The following PPP1CB variants were observed in gnomAD, a reference collection of about 807,000 sequenced individuals.
PPP1CB encodes serine/threonine-protein phosphatase PP1-beta catalytic subunit.
Under a neutral mutation model 43.7 loss-of-function variants are expected in PPP1CB, and 2 were observed. That is an observed-to-expected ratio of 0.05 (90% CI 0.02 to 0.14). The LOEUF is 0.14. PPP1CB is among the 10% of genes least tolerant of loss of function. The pLI, the probability that PPP1CB is intolerant of heterozygous loss-of-function variation, is 1.00. For synonymous variants in PPP1CB, 136 were observed against 135.6 expected, an observed-to-expected ratio of 1.00 and a Z score of -0.02; for missense variants, 84 against 398.0, an observed-to-expected ratio of 0.21 and a Z score of 6.71.
chr2:28,795,519 TG>T (rs892545193), intron 7 of PPP1CB, among the ~76,000 whole-genome samples: 1 of 152,224 alleles, frequency 6.6e-6, no homozygotes, highest in Non-Finnish European at 1.5e-5. Context: ...CCATTCTGAC[TG>T]GTGTGAGACA....
In PPP1CB at chr2:28,788,951, G is replaced by A. The variant is rs1046031546; in HGVS notation, c.744+142G>A. 7.5e-5 allele frequency: 62 copies of A among 829,132 alleles called. No homozygotes were observed. In the East Asian group the frequency reaches 1.5e-3, roughly 20 times the overall value. The allele number at this position is 829,132 out of a possible 1,614,324, so 51.4% of individuals were successfully genotyped here. ...CTGCTCACTGCAACCTGTGCCTCCC[G>A]GGTTCAGGCAGTTCTTGTGCCTCAG... On this transcript the variant is annotated intron_variant, in intron 6 of 7. Transcript: ENST00000395366.
At chr2:28,754,844 A>C (rs1350320806) in intron 1 of PPP1CB, among the ~76,000 whole-genome samples, 1 of 152,198 alleles carries the variant, frequency 6.6e-6, no homozygotes, top group African/African-American at 2.4e-5. Context: ...ATTTGGCAAG[A>C]ATTTCTCTGC....
At chr2:28,774,263 G>A (rs1186473832) in intron 1 of PPP1CB, among the ~76,000 whole-genome samples, 1 of 152,182 alleles carries the variant, frequency 6.6e-6, no homozygotes, top group Non-Finnish European at 1.5e-5. Context: ...TTACAACTAA[G>A]TTTTGATAAT....
At chr2:28,778,279 A>G (rs1039522233) in intron 2 of PPP1CB, 28 of 454,802 alleles carry the variant, frequency 6.2e-5, no homozygotes, top group East Asian at 7.0e-5. Flanking sequence ...CTATTGTTGT[A>G]TAATAAATCA....
intron 5 of PPP1CB, among the ~76,000 whole-genome samples, chr2:28,786,413 C>T (rs1487957840): frequency 6.6e-6 from 1 of 152,158 alleles, no homozygotes; most frequent in Admixed American, 6.5e-5. Context: ...CATACCTGGC[C>T]TGAAATTCTT....
At chr2:28,756,674 G>A (rs1666495962) in intron 1 of PPP1CB, among the ~76,000 whole-genome samples, 1 of 152,060 alleles carries the variant, frequency 6.6e-6, no homozygotes, top group Non-Finnish European at 1.5e-5. Flanking sequence ...GGTAGAGACG[G>A]GGTCTCCCTA....
intron 2 of PPP1CB, among the ~76,000 whole-genome samples, chr2:28,777,640 G>C (rs1046337924): frequency 6.6e-6 from 1 of 152,072 alleles, no homozygotes; most frequent in African/African-American, 2.4e-5. Context: ...GTAAATGTTT[G>C]TTTTTTGTTT....
rs183166152 is a variant in PPP1CB, at chr2:28,762,651, A to G, written c.52+10475A>G. ...AAAGAGATGTGGAATCTGAAATTAT[A>G]TCCATGAATTTTTATGTTCTCTTAC... is the stretch of plus-strand genomic sequence containing the variant. On this transcript the variant is annotated intron_variant, in intron 1 of 7. Transcript: ENST00000395366. 1.4e-3 allele frequency among the ~76,000 whole-genome samples: 210 copies of G among 152,336 alleles called. 1 individual carries two copies. Among genetic ancestry groups the G allele is most frequent in the Non-Finnish European group, 1.1e-3 (76 of 68,034 alleles).
chr2:28,791,121 C>T (rs1253495438), intron 6 of PPP1CB, among the ~76,000 whole-genome samples: 1 of 152,096 alleles, frequency 6.6e-6, no homozygotes, highest in South Asian at 2.1e-4. Flanking sequence ...TCCCACAGTA[C>T]TTCCCTTTCT....
At chr2:28,766,938 G>A (rs1421720479) in intron 1 of PPP1CB, among the ~76,000 whole-genome samples, 5 of 151,932 alleles carry the variant, frequency 3.3e-5, no homozygotes, top group African/African-American at 1.2e-4. Flanking sequence ...AAAATTAGCC[G>A]GGCGTGGTGG....
chr2:28,758,602 G>GT (rs1316667961), intron 1 of PPP1CB, among the ~76,000 whole-genome samples: 1 of 152,160 alleles, frequency 6.6e-6, no homozygotes, highest in Non-Finnish European at 1.5e-5. Context: ...CCAGTAGCCA[G>GT]TTTTTTCCTG....
At chr2:28,788,225 T>C (rs1369500368) in intron 5 of PPP1CB, among the ~76,000 whole-genome samples, 4 of 152,194 alleles carry the variant, frequency 2.6e-5, no homozygotes, top group South Asian at 2.1e-4. Flanking sequence ...TAGTCTGTTA[T>C]TGGCTCAGGG....
intron 5 of PPP1CB, among the ~76,000 whole-genome samples, chr2:28,784,809 A>G (rs1231260268): frequency 6.7e-6 from 1 of 150,188 alleles, no homozygotes; most frequent in Non-Finnish European, 1.5e-5. Flanking sequence ...AATCCTAGCT[A>G]CTCAAGAGGC....
chr2:28,762,101 A>G (rs900333765), intron 1 of PPP1CB, among the ~76,000 whole-genome samples: 4 of 152,154 alleles, frequency 2.6e-5, no homozygotes, highest in African/African-American at 9.7e-5. Context: ...CCTGGGCAAC[A>G]TGGTGAAACC....
At chr2:28,788,908 A>G in intron 6 of PPP1CB, 99 bp downstream of exon 6, 1 of 1,242,232 alleles carries the variant, frequency 8.1e-7, no homozygotes. Context: ...CCCAGGCTGG[A>G]GTGCAATGGC....
chr2:28,753,427 A>G (rs182730877), intron 1 of PPP1CB, among the ~76,000 whole-genome samples: 1 of 152,278 alleles, frequency 6.6e-6, no homozygotes, highest in Admixed American at 6.5e-5. Context: ...AATACTGTGT[A>G]TTTGCTCCAG....
chr2:28,760,423 C>T (rs958610132), intron 1 of PPP1CB, among the ~76,000 whole-genome samples: 1 of 152,172 alleles, frequency 6.6e-6, no homozygotes, highest in Non-Finnish European at 1.5e-5. Context: ...GATATACAAG[C>T]ACATTGTGTT....
intron 7 of PPP1CB, among the ~76,000 whole-genome samples, chr2:28,797,827 C>G (rs1185010562): frequency 6.6e-6 from 1 of 152,106 alleles, no homozygotes; most frequent in Non-Finnish European, 1.5e-5. Flanking sequence ...TAGTGTGCTC[C>G]TACAAATCAT....
chr2:28,779,354 G>A (rs1168309081), intron 3 of PPP1CB, among the ~76,000 whole-genome samples: 1 of 152,136 alleles, frequency 6.6e-6, no homozygotes, highest in Non-Finnish European at 1.5e-5. Context: ...TGTCCATTAA[G>A]GTTTTAACTC....
Sources: allele counts gnomAD v4.1 joint callset (sites outside exome capture counted in the v4.1 genomes callset), GRCh38; gene constraint gnomAD v4.1.1; transcripts MANE v1.5; gene names NCBI Gene and HGNC (gene_info 2026-07-23, HGNC 2026-07-21).